Variants in BCO2 observed in about 807,000 individuals in gnomAD.
BCO2 encodes the protein carotenoid-cleaving dioxygenase, mitochondrial.
A neutral mutation model predicts 65.8 loss-of-function variants in BCO2; 56 were observed. That is an observed-to-expected ratio of 0.85 (90% CI 0.69 to 1.06). BCO2 has a LOEUF of 1.06. Among genes scored for constraint, BCO2 ranks in the 50% least tolerant of loss-of-function variants. The probability of loss-of-function intolerance (pLI) is 0.00; values close to 1 mark genes in which losing one functional copy is unlikely to be tolerated. For missense variants in BCO2, 675 were observed against 698.5 expected (o/e 0.97, Z 0.38); for synonymous variants, 233 against 242.3 (o/e 0.96, Z 0.36).
chr11:112,209,817 G>A (rs907145999), intron 8 of BCO2, among the ~76,000 whole-genome samples: 3 of 151,994 alleles, frequency 2.0e-5, no homozygotes, highest in South Asian at 2.1e-4. Context: ...CCAATTGGTC[G>A]CATTTTATTT....
chr11:112,179,401 G>A lies in BCO2; in HGVS notation c.212G>A (p.Arg71Gln), dbSNP rs200317622. The A allele has an allele frequency of 1.5e-5, 25 of 1,614,130 alleles. No individual in the cohort carries two copies. The Admixed American group carries it at 2.3e-4, about 15-fold the overall frequency. Reference protein sequence around the residue: ...VEEAPRGISARVWGHFPKWLN... With the variant: ...VEEAPRGISAQVWGHFPKWLN... ...GAGGCTCCACGGGGCATCTCTGCTCGAGTCTGGGGACATTTTCCTAAGTGG... is the reference window on the plus strand; with the variant it reads ...GAGGCTCCACGGGGCATCTCTGCTCAAGTCTGGGGACATTTTCCTAAGTGG... The change falls in exon 2 of 12, where the codon CGA becomes CAA. Residue 71 changes from arginine (R) to glutamine (Q), a missense_variant. Arg to Gln is a conservative substitution (Grantham distance 43). Transcript: ENST00000357685.
intron 10 of BCO2, 189 bp downstream of exon 10, chr11:112,215,133 C>G: frequency 1.7e-6 from 1 of 594,142 alleles, no homozygotes; most frequent in East Asian, 2.9e-5. Context: ...AAATTGACCC[C>G]AGGCCCAGCA....
At chr11:112,200,414 C>A in intron 6 of BCO2, 199 bp from the exon 7 acceptor site, 2 of 490,976 alleles carry the variant, frequency 4.1e-6, no homozygotes, top group Non-Finnish European at 7.0e-6. Context: ...CCAAGCTATT[C>A]TAAGCAGTTC....
rs1859740131 is a variant in BCO2 at position 112,218,112 on chromosome 11, TAAAATA to T, written c.*249_*254del. 2 of 362,088 alleles carry T rather than the reference TAAAATA, an allele frequency of 5.5e-6. No homozygotes were observed. Among genetic ancestry groups the T allele is most frequent in the East Asian group, 4.3e-5 (1 of 23,094 alleles). 22.4% of individuals were successfully genotyped at this position (362,088 alleles called of 1,614,324 possible). ...AAGCCTGCACATGTACCCCAGAATC[TAAAATA>T]AAAATAAAAAGAAAAACAAAGAATG... On this transcript the variant is annotated 3_prime_UTR_variant, in exon 12 of 12. Transcript: ENST00000357685.
chr11:112,186,870 A>G (rs1392413803), intron 2 of BCO2, among the ~76,000 whole-genome samples: 1 of 152,196 alleles, frequency 6.6e-6, no homozygotes, highest in Non-Finnish European at 1.5e-5. Context: ...ATAAAGTTAC[A>G]TGAATCTGGG....
chr11:112,213,297 C>T (rs1859565791), intron 8 of BCO2, among the ~76,000 whole-genome samples: 1 of 151,594 alleles, frequency 6.6e-6, no homozygotes, highest in South Asian at 2.1e-4. Flanking sequence ...GCATGAGCCA[C>T]CATGCCCGGC....
Position 112,200,777 on chromosome 11 carries a change from G to C in BCO2, c.1026+4G>C. Reference sequence around the variant, plus strand: ...GGTGGAAAAACGCACTGGACAGGTGGAGTATTTTGAGTATATTTATCATGA... The same window carrying C: ...GGTGGAAAAACGCACTGGACAGGTGCAGTATTTTGAGTATATTTATCATGA... On this transcript the variant is annotated splice_donor_region_variant and intron_variant, in intron 7 of 11. Coordinates refer to ENST00000357685, the MANE Select transcript of BCO2 (RefSeq NM_031938.7). 6.2e-7 allele frequency: 1 copy of C among 1,608,518 alleles called. No homozygotes were observed. The highest frequency in any genetic ancestry group is 1.1e-5 in the South Asian group (1 of 89,498).
chr11:112,182,604 G>A (rs1199691267), intron 2 of BCO2, among the ~76,000 whole-genome samples: 3 of 150,892 alleles, frequency 2.0e-5, no homozygotes, highest in Non-Finnish European at 4.4e-5. Flanking sequence ...TGCAAGGACA[G>A]AAAACCAAAT....
At chr11:112,207,887 GT>G (rs71463412) in intron 8 of BCO2, among the ~76,000 whole-genome samples, 120 of 145,424 alleles carry the variant, frequency 8.3e-4, no homozygotes, top group African/African-American at 2.5e-3. Context: ...TTATTCCTAG[GT>G]TTTTTTTTTA....
intron 5 of BCO2, among the ~76,000 whole-genome samples, chr11:112,198,959 G>A (rs1170813937): frequency 6.6e-6 from 1 of 150,940 alleles, no homozygotes; most frequent in East Asian, 1.9e-4. Context: ...TTATATAATA[G>A]CTCTTTTTTA....
chr11:112,216,102 G>A, intron 10 of BCO2, 118 bp from the exon 11 acceptor site: 1 of 700,902 alleles, frequency 1.4e-6, no homozygotes, highest in Non-Finnish European at 2.5e-6. Context: ...ATGAGCTTTG[G>A]AGGGGACACA....
At chr11:112,206,956 G>C (rs1256128371) in intron 8 of BCO2, among the ~76,000 whole-genome samples, 1 of 152,114 alleles carries the variant, frequency 6.6e-6, no homozygotes, top group East Asian at 1.9e-4. Flanking sequence ...ATTGTAAATG[G>C]TATCTTTTAA....
intron 5 of BCO2, among the ~76,000 whole-genome samples, chr11:112,198,281 C>T (rs1287551259): frequency 1.3e-5 from 2 of 151,898 alleles, no homozygotes; most frequent in African/African-American, 2.4e-5. Context: ...TATGATCACA[C>T]CACTGTACTC....
At position 112,202,118 on chromosome 11, in the gene BCO2, T is replaced by G. The variant is rs765253719; in HGVS notation, c.1122T>G (p.Cys374Trp). Residue 374 changes from cysteine (C) to tryptophan (W), a missense_variant, in exon 8 of 12, where the codon TGT (cysteine) becomes TGG (tryptophan). Coordinates refer to ENST00000357685, the MANE Select transcript of BCO2 (RefSeq NM_031938.7). The part of the protein sequence containing the change: ...DQGCVIIDLC[C>W]QDNGRTLEVY... The stretch of plus-strand genomic sequence containing the variant: ...GCTGTGTTATAATTGATTTGTGCTG[T>G]CAAGATAATGGAAGAACCCTAGAAG... The G allele has an allele frequency of 6.2e-7, 1 of 1,614,090 alleles. No homozygotes were observed. The highest frequency in any genetic ancestry group is 1.1e-5 in the South Asian group (1 of 91,066).
intron 1 of BCO2, among the ~76,000 whole-genome samples, chr11:112,177,978 G>A (rs570469557): frequency 3.8e-5 from 3 of 79,772 alleles, no homozygotes; most frequent in South Asian, 4.9e-4. Flanking sequence ...CTGCGATCTC[G>A]GCTCACTGCA....
intron 3 of BCO2, 28 bp from the exon 4 acceptor site, chr11:112,193,851 C>T (rs73572037): frequency 2.7e-6 from 4 of 1,507,406 alleles, no homozygotes; most frequent in Non-Finnish European, 3.7e-6. Flanking sequence ...AGCTGTGGTA[C>T]TTAAATAACT....
chr11:112,197,815 G>A (rs959721661), intron 5 of BCO2, among the ~76,000 whole-genome samples: 2 of 152,198 alleles, frequency 1.3e-5, no homozygotes, highest in Admixed American at 6.5e-5. Context: ...TCTCCTTCTC[G>A]CTTGTCATGA....
intron 8 of BCO2, 55 bp downstream of exon 8, chr11:112,202,245 G>A: frequency 6.8e-7 from 1 of 1,468,924 alleles, no homozygotes; most frequent in Non-Finnish European, 9.2e-7. Context: ...TCCAAGATCT[G>A]GCTTTGGCTT....
intron 5 of BCO2, among the ~76,000 whole-genome samples, chr11:112,198,810 G>A (rs1322341245): frequency 6.6e-6 from 1 of 151,998 alleles, no homozygotes; most frequent in African/African-American, 2.4e-5. Flanking sequence ...TGTTGGAATA[G>A]GGGAAGGGAG....
Sources: gnomAD v4.1 joint callset for allele counts (sites outside exome capture counted in the v4.1 genomes callset) on GRCh38, gnomAD v4.1.1 for gene constraint, MANE v1.5 for transcripts, NCBI Gene and HGNC (gene_info 2026-07-23, HGNC 2026-07-21) for gene names.